Variants in STXBP5 observed in about 807,000 individuals in gnomAD.
STXBP5 encodes syntaxin binding protein 5, also known as syntaxin-binding protein 5.
In STXBP5, 50 loss-of-function variants were observed where a neutral mutation model predicts 152.4. That is an observed-to-expected ratio of 0.33 (90% confidence interval 0.26 to 0.42). STXBP5 has a LOEUF of 0.42. Ranked by LOEUF, STXBP5 falls within the 10% of genes least tolerant of loss-of-function variation. STXBP5 has a pLI of 1.00. For missense variants in STXBP5, 1,167 were observed against 1,388.6 expected, an observed-to-expected ratio of 0.84 and a Z score of 2.54; for synonymous variants, 492 against 494.7, an observed-to-expected ratio of 0.99 and a Z score of 0.07.
rs139485091 is a variant in STXBP5 at position 147,386,480 on chromosome 6, T to G, written c.*1725T>G. ...AGATGCAAAAGTTTACATCAAAGTT[T>G]ACTTTAAATATCATTTGGTAGGGAC... On this transcript the variant is annotated 3_prime_UTR_variant, in exon 28 of 28. Coordinates refer to ENST00000321680, the MANE Select transcript of STXBP5 (RefSeq NM_001127715.4). The G allele has an allele frequency of 2.6e-5, 4 of 151,954 alleles. No individual in the cohort carries two copies. The highest frequency in any genetic ancestry group is 5.9e-5 in the Non-Finnish European group (4 of 67,814). 9.4% of individuals were successfully genotyped at this position (151,954 alleles called of 1,614,324 possible).
At chr6:147,253,146 C>T (rs1489642114) in intron 4 of STXBP5, among the ~76,000 whole-genome samples, 4 of 152,132 alleles carry the variant, frequency 2.6e-5, no homozygotes, top group African/African-American at 9.7e-5. Flanking sequence ...GGATGCAAGG[C>T]CGATTCAACA....
In STXBP5 at chr6:147,363,288, C is replaced by T. The variant is rs776097134; in HGVS notation, c.2546-47C>T. 9 of 1,510,464 alleles carry T rather than the reference C, an allele frequency of 6.0e-6. No homozygotes were observed. The Middle Eastern group carries it at 1.1e-3, about 179-fold the overall frequency. 93.6% of individuals were successfully genotyped at this position (1,510,464 alleles called of 1,614,324 possible). On this transcript the variant is annotated intron_variant, in intron 23 of 27. Coordinates refer to ENST00000321680, the MANE Select transcript of STXBP5 (RefSeq NM_001127715.4). ...CAAAGTTAGAATAAACGTGTTTACT[C>T]TGTTGATTAAAATATTTCAGTTATT...
At chr6:147,256,771 A>G (rs1341801933) in intron 4 of STXBP5, among the ~76,000 whole-genome samples, 1 of 152,118 alleles carries the variant, frequency 6.6e-6, no homozygotes, top group Non-Finnish European at 1.5e-5. Flanking sequence ...CATATTTTGT[A>G]TGGTTTTCTT....
intron 25 of STXBP5, among the ~76,000 whole-genome samples, chr6:147,366,133 G>C (rs971168237): frequency 1.3e-5 from 2 of 152,170 alleles, no homozygotes; most frequent in African/African-American, 4.8e-5. Flanking sequence ...AGAGTTTGGG[G>C]ACACCAGGTA....
chr6:147,237,136 TAATAA>T (rs1406677802), intron 3 of STXBP5, among the ~76,000 whole-genome samples: 1 of 152,164 alleles, frequency 6.6e-6, no homozygotes, highest in African/African-American at 2.4e-5. Context: ...GAGCCAATGT[TAATAA>T]AATGCGGTAA....
At chr6:147,338,500 A>G (rs996108056) in intron 19 of STXBP5, among the ~76,000 whole-genome samples, 2 of 151,954 alleles carry the variant, frequency 1.3e-5, no homozygotes, top group African/African-American at 2.4e-5. Context: ...AAGAAATACT[A>G]TGAGAAATTA....
chr6:147,304,485 A>G (rs1242950789), intron 9 of STXBP5, among the ~76,000 whole-genome samples: 1 of 152,172 alleles, frequency 6.6e-6, no homozygotes, highest in Non-Finnish European at 1.5e-5. Context: ...AACCTCTACT[A>G]GGGCAGTGTG....
intron 2 of STXBP5, among the ~76,000 whole-genome samples, chr6:147,206,375 A>G (rs1223009717): frequency 6.6e-6 from 1 of 152,196 alleles, no homozygotes; most frequent in Non-Finnish European, 1.5e-5. Context: ...CTTCTATACT[A>G]TTGGTGTGAT....
At chr6:147,381,158 C>G (rs1259384178) in intron 26 of STXBP5, among the ~76,000 whole-genome samples, 1 of 152,108 alleles carries the variant, frequency 6.6e-6, no homozygotes, top group Non-Finnish European at 1.5e-5. Flanking sequence ...TTCCATGACA[C>G]TGGAGGATTA....
In STXBP5 at chr6:147,359,149, C is replaced by G. The variant is rs773179135; in HGVS notation, c.2371C>G (p.Arg791Gly). Residue 791 changes from arginine to glycine, a missense_variant, in exon 23 of 28, where the codon CGA (arginine) becomes GGA (glycine). Arg to Gly is a moderately radical substitution (Grantham distance 125). Coordinates refer to ENST00000321680, the MANE Select transcript of STXBP5 (RefSeq NM_001127715.4). ...TGTAACAAGCATTGACAAAGAATCC[C>G]GAGAAGCGATCTCCGCTCTTCATTT... ...SSVTSIDKES[R>G]EAISALHFCE... 2 of 1,613,874 alleles carry G rather than the reference C, an allele frequency of 1.2e-6. No homozygotes were observed. The highest frequency in any genetic ancestry group is 8.5e-7 in the Non-Finnish European group (1 of 1,179,932).
chr6:147,308,897 TA>T (rs1170578621), intron 9 of STXBP5, among the ~76,000 whole-genome samples: 2 of 152,176 alleles, frequency 1.3e-5, no homozygotes, highest in Non-Finnish European at 2.9e-5. Flanking sequence ...AATTTGATGA[TA>T]TAATAATTAA....
intron 6 of STXBP5, among the ~76,000 whole-genome samples, chr6:147,264,916 C>A (rs1409867578): frequency 2.0e-5 from 3 of 151,010 alleles, no homozygotes; most frequent in African/African-American, 7.4e-5. Context: ...AAAGTTTAAC[C>A]CTCTTAAGTT....
chr6:147,384,662 G>C, intron 27 of STXBP5, 52 bp from the exon 28 acceptor site: 4 of 1,547,974 alleles, frequency 2.6e-6, no homozygotes, highest in Non-Finnish European at 3.6e-6. Flanking sequence ...ACTTATAAAT[G>C]TTATTGTTCC....
At chr6:147,370,089 G>T (rs766466157) in intron 25 of STXBP5, among the ~76,000 whole-genome samples, 9 of 152,046 alleles carry the variant, frequency 5.9e-5, no homozygotes, top group Non-Finnish European at 1.3e-4. Context: ...AGTAAACGAT[G>T]CAATCAGCAA....
chr6:147,338,740 T>TTTTAAACTATATATATAGG, intron 19 of STXBP5, among the ~76,000 whole-genome samples: 1 of 151,908 alleles, frequency 6.6e-6, no homozygotes, highest in Non-Finnish European at 1.5e-5. Flanking sequence ...GAATATATAG[T>TTTTAAACTATATATATAGG]TTTAAACTGT....
At chr6:147,336,644 A>C (rs573609104) in intron 19 of STXBP5, among the ~76,000 whole-genome samples, 11 of 152,226 alleles carry the variant, frequency 7.2e-5, no homozygotes, top group African/African-American at 2.6e-4. Context: ...AAGAGGTAAA[A>C]TAGTTGAGTG....
chr6:147,342,005 G>A (rs955472294), intron 21 of STXBP5, among the ~76,000 whole-genome samples: 5 of 152,106 alleles, frequency 3.3e-5, no homozygotes, highest in African/African-American at 1.2e-4. Context: ...ATGAGAGCAG[G>A]ATTTACACCC....
intron 2 of STXBP5, among the ~76,000 whole-genome samples, chr6:147,214,930 T>G (rs1777083326): frequency 6.6e-6 from 1 of 152,206 alleles, no homozygotes; most frequent in Non-Finnish European, 1.5e-5. Context: ...AATGATCAAC[T>G]TTATGTCCTT....
intron 6 of STXBP5, among the ~76,000 whole-genome samples, chr6:147,263,417 C>G (rs1356516397): frequency 1.3e-5 from 2 of 149,110 alleles, no homozygotes; most frequent in African/African-American, 4.9e-5. Flanking sequence ...GTCTTAAACA[C>G]CTGGGCTCAA....
Sources: gnomAD v4.1 joint callset for allele counts (sites outside exome capture counted in the v4.1 genomes callset) on GRCh38, gnomAD v4.1.1 for gene constraint, MANE v1.5 for transcripts, NCBI Gene and HGNC (gene_info 2026-07-23, HGNC 2026-07-21) for gene names.